Variants in NTRK2 observed in about 807,000 individuals in gnomAD.
NTRK2 encodes the protein neurotrophic receptor tyrosine kinase 2.
A neutral mutation model predicts 94.5 loss-of-function variants in NTRK2; 13 were observed. The observed-to-expected ratio is 0.14, with a 90% confidence interval of 0.09 to 0.22. NTRK2 has a LOEUF of 0.22. Among genes scored for constraint, NTRK2 ranks in the 10% least tolerant of loss-of-function variants. The pLI, the probability that NTRK2 is intolerant of heterozygous loss-of-function variation, is 1.00. For missense variants in NTRK2, 639 were observed against 1,071.2 expected (o/e 0.60, Z 5.63); for synonymous variants, 372 against 407.4 (o/e 0.91, Z 1.05).
intron 14 of NTRK2, among the ~76,000 whole-genome samples, chr9:84,923,717 A>T (rs1007613951): frequency 1.3e-5 from 2 of 152,058 alleles, no homozygotes; most frequent in South Asian, 2.1e-4. Flanking sequence ...AGAGTTGGAG[A>T]CCAGCCTGGC....
intron 14 of NTRK2, among the ~76,000 whole-genome samples, chr9:84,921,763 C>G (rs951081278): frequency 6.6e-6 from 1 of 152,158 alleles, no homozygotes; most frequent in African/African-American, 2.4e-5. Context: ...AAGCTAAATC[C>G]TCCTCTATGT....
intron 8 of NTRK2, among the ~76,000 whole-genome samples, chr9:84,725,622 A>AAT (rs10607553): frequency 8.5e-4 from 126 of 147,438 alleles, no homozygotes; most frequent in African/African-American, 3.1e-3. Flanking sequence ...TATTTTGTGT[A>AAT]ATATATATAT....
chr9:84,940,261 G>A (rs1469387500), intron 15 of NTRK2, among the ~76,000 whole-genome samples: 2 of 152,190 alleles, frequency 1.3e-5, no homozygotes, highest in Middle Eastern at 3.2e-3. Flanking sequence ...AACTCAAATA[G>A]GAATTGCAGG....
intron 9 of NTRK2, among the ~76,000 whole-genome samples, chr9:84,738,108 T>C (rs1445143883): frequency 4.0e-5 from 6 of 151,196 alleles, no homozygotes; most frequent in African/African-American, 1.5e-4. Context: ...TTCCTGGATT[T>C]CAATATTTTA....
At chr9:84,824,398 TCTTA>T (rs1340941735) in intron 12 of NTRK2, among the ~76,000 whole-genome samples, 1 of 152,226 alleles carries the variant, frequency 6.6e-6, no homozygotes, top group African/African-American at 2.4e-5. Context: ...TCCACCTGCT[TCTTA>T]CTGAGATCAG....
intron 12 of NTRK2, among the ~76,000 whole-genome samples, chr9:84,848,690 C>T (rs2074597101): frequency 1.3e-5 from 2 of 152,074 alleles, no homozygotes; most frequent in South Asian, 4.1e-4. Flanking sequence ...GTGATGTGGC[C>T]CAGCTTAATC....
intron 14 of NTRK2, among the ~76,000 whole-genome samples, chr9:84,890,266 A>G (rs1159583984): frequency 6.6e-6 from 1 of 152,140 alleles, no homozygotes; most frequent in Non-Finnish European, 1.5e-5. Context: ...CATGGTGGTG[A>G]TGGGTGACAG....
chr9:84,919,116 T>C (rs1246273884), intron 14 of NTRK2, among the ~76,000 whole-genome samples: 1 of 152,198 alleles, frequency 6.6e-6, no homozygotes, highest in Non-Finnish European at 1.5e-5. Flanking sequence ...ATCCTAGTCC[T>C]ACCACCCTGC....
At chr9:84,964,409 C>T (rs963183526) in intron 17 of NTRK2, among the ~76,000 whole-genome samples, 26 of 152,208 alleles carry the variant, frequency 1.7e-4, no homozygotes, top group East Asian at 1.9e-4. Flanking sequence ...CTTTATTTCT[C>T]ACCCTGTGTG....
At chr9:84,852,986 G>T (rs1363136927) in intron 12 of NTRK2, among the ~76,000 whole-genome samples, 1 of 146,236 alleles carries the variant, frequency 6.8e-6, no homozygotes, top group African/African-American at 2.5e-5. Flanking sequence ...AATAAATACT[G>T]TTTTTTTTTT....
At chr9:84,848,049 C>G (rs570622046) in intron 12 of NTRK2, among the ~76,000 whole-genome samples, 1 of 150,296 alleles carries the variant, frequency 6.7e-6, no homozygotes, top group South Asian at 2.2e-4. Flanking sequence ...CCTCACATGG[C>G]CTTTTCTCTG....
At chr9:84,743,602 G>C (rs1007547960) in intron 10 of NTRK2, among the ~76,000 whole-genome samples, 10 of 152,166 alleles carry the variant, frequency 6.6e-5, no homozygotes, top group Non-Finnish European at 2.9e-5. Context: ...AAATACGTTT[G>C]AATTGTGGTT....
chr9:84,681,477 T>C (rs914998714), intron 2 of NTRK2, among the ~76,000 whole-genome samples: 11 of 152,198 alleles, frequency 7.2e-5, no homozygotes, highest in Non-Finnish European at 1.3e-4. Context: ...ATTGGGGTCT[T>C]CTCTATGTTG....
intron 2 of NTRK2, among the ~76,000 whole-genome samples, chr9:84,700,135 G>C (rs2060633513): frequency 6.6e-6 from 1 of 152,172 alleles, no homozygotes; most frequent in South Asian, 2.1e-4. Context: ...AGTCTGGATT[G>C]TGACTCCAGA....
At chr9:84,703,343 C>CT (rs1228988567) in intron 4 of NTRK2, among the ~76,000 whole-genome samples, 1 of 152,144 alleles carries the variant, frequency 6.6e-6, no homozygotes, top group Non-Finnish European at 1.5e-5. Context: ...TAGGACAGAT[C>CT]TTTTTTATGC....
In NTRK2 at chr9:85,026,137, A is replaced by ATAT. The variant is rs528261695; in HGVS notation, c.*4700_*4701insTAT. 2.9e-5 allele frequency: 6 copies of ATAT among 208,326 alleles called. No individual in the cohort carries two copies. Among genetic ancestry groups the ATAT allele is most frequent in the Non-Finnish European group, 3.8e-5 (4 of 104,480 alleles). 12.9% of individuals were successfully genotyped at this position (208,326 alleles called of 1,614,324 possible). On this transcript the variant is annotated 3_prime_UTR_variant, in exon 19 of 19. Coordinates refer to ENST00000277120, the MANE Select transcript of NTRK2 (RefSeq NM_006180.6). ...ACAAACACAAAGCAAAGCAAAAAAA[A>ATAT]AAATATATATATATATATCTGTATA...
intron 17 of NTRK2, among the ~76,000 whole-genome samples, chr9:84,966,193 A>T (rs1480656871): frequency 6.6e-6 from 1 of 152,190 alleles, no homozygotes; most frequent in African/African-American, 2.4e-5. Flanking sequence ...TTTTATGCTG[A>T]TGGAGGCATG....
intron 2 of NTRK2, among the ~76,000 whole-genome samples, chr9:84,690,090 G>A (rs1303249211): frequency 6.6e-6 from 1 of 152,082 alleles, no homozygotes; most frequent in Non-Finnish European, 1.5e-5. Flanking sequence ...AATGACTGAA[G>A]GTTAACATGA....
intron 2 of NTRK2, among the ~76,000 whole-genome samples, chr9:84,701,014 C>A (rs746642972): frequency 7.2e-5 from 11 of 152,192 alleles, no homozygotes; most frequent in Non-Finnish European, 1.3e-4. Flanking sequence ...TAAAACAGAT[C>A]TAGCTATCTC....
Sources: allele counts gnomAD v4.1 joint callset (sites outside exome capture counted in the v4.1 genomes callset), GRCh38; gene constraint gnomAD v4.1.1; transcripts MANE v1.5; gene names NCBI Gene and HGNC (gene_info 2026-07-23, HGNC 2026-07-21).